YIPF1: variants seen among roughly 807,000 people sequenced by gnomAD.
The protein encoded by YIPF1 is protein YIPF1.
A neutral mutation model predicts 37.0 loss-of-function variants in YIPF1; 22 were observed. The observed-to-expected ratio is 0.59, with a 90% CI of 0.42 to 0.85. The LOEUF is 0.85. YIPF1 is among the 40% of genes least tolerant of loss of function. The pLI is 0.00. For missense variants in YIPF1, 355 were observed against 373.1 expected (o/e 0.95, Z 0.40); for synonymous variants, 128 against 131.9 (o/e 0.97, Z 0.21).
intron 9 of YIPF1, among the ~76,000 whole-genome samples, chr1:53,864,220 G>A (rs1649960645): frequency 6.6e-6 from 1 of 152,204 alleles, no homozygotes; most frequent in Non-Finnish European, 1.5e-5. Context: ...GGAGATGCCA[G>A]TGAGGGACGA....
Position 53,866,818 on chromosome 1 carries a change from A to G in YIPF1, c.588T>C (p.Tyr196=), listed in dbSNP as rs753525861. 6 of 1,614,100 alleles carry G rather than the reference A, an allele frequency of 3.7e-6. No individual in the cohort carries two copies. Among genetic ancestry groups the G allele is most frequent in the Admixed American group, 3.3e-5 (2 of 60,004 alleles). The change falls in exon 8 of 11, where the codon TAT becomes TAC. Residue 196 remains tyrosine (Y), a synonymous_variant. Coordinates refer to ENST00000072644, the MANE Select transcript of YIPF1 (RefSeq NM_018982.5). ...RNSKVMNIVS[Y]SFLEIVCVYG... ...AGACACACACAATCTCCAGAAATGA[A>G]TAGGAGACGATGTTCATAACTTTGC... is the stretch of plus-strand genomic sequence containing the variant.
At chr1:53,863,480 C>T (rs1223892686) in intron 9 of YIPF1, among the ~76,000 whole-genome samples, 1 of 152,214 alleles carries the variant, frequency 6.6e-6, no homozygotes, top group Non-Finnish European at 1.5e-5. Flanking sequence ...CTCATGGCAT[C>T]TCACAAAACC....
intron 7 of YIPF1, among the ~76,000 whole-genome samples, chr1:53,870,035 TA>T (rs1210039371): frequency 6.6e-6 from 1 of 151,980 alleles, no homozygotes; most frequent in African/African-American, 2.4e-5. Flanking sequence ...GATAATTTTT[TA>T]TTTTTAGTAG....
intron 10 of YIPF1, among the ~76,000 whole-genome samples, chr1:53,858,080 C>T (rs560975062): frequency 6.4e-4 from 98 of 152,102 alleles, no homozygotes; most frequent in Non-Finnish European, 1.3e-3. Flanking sequence ...AGGCACTGTC[C>T]TCTCTCGGTC....
intron 6 of YIPF1, 55 bp downstream of exon 6, chr1:53,878,260 T>C: frequency 2.5e-6 from 4 of 1,578,922 alleles, no homozygotes; most frequent in Non-Finnish European, 3.5e-6. Flanking sequence ...CAGGCAACCC[T>C]CACACTCACC....
At chr1:53,884,915 T>G (rs142077774) in intron 3 of YIPF1, among the ~76,000 whole-genome samples, 1 of 152,230 alleles carries the variant, frequency 6.6e-6, no homozygotes, top group Non-Finnish European at 1.5e-5. Flanking sequence ...TTCACTCTTA[T>G]TGCCTCTCAA....
rs200901415 is a variant in YIPF1, at chr1:53,866,783, G to T, written c.623C>A (p.Ser208Tyr). 30 of 1,613,954 alleles carry T rather than the reference G, an allele frequency of 1.9e-5. No individual in the cohort carries two copies. Among genetic ancestry groups the T allele is most frequent in the Middle Eastern group, 1.6e-4 (1 of 6,062 alleles). Residue 208 changes from serine (S) to tyrosine (Y), a missense_variant, in exon 8 of 11, where the codon TCC (serine) becomes TAC (tyrosine). Transcript: ENST00000072644. ...TGCGGTGGGGATATAAATGAAGAGG[G>T]AATATCCATAGACACACACAATCTC... The part of the protein sequence containing the change: ...FLEIVCVYGY[S>Y]LFIYIPTAIL...
chr1:53,872,954 A>C (rs904460980), intron 6 of YIPF1, among the ~76,000 whole-genome samples: 2 of 152,196 alleles, frequency 1.3e-5, no homozygotes, highest in African/African-American at 4.8e-5. Flanking sequence ...AAAACCCCAC[A>C]AAGCCCCTAT....
At chr1:53,873,059 A>T (rs962943520) in intron 6 of YIPF1, among the ~76,000 whole-genome samples, 1 of 152,206 alleles carries the variant, frequency 6.6e-6, no homozygotes, top group Non-Finnish European at 1.5e-5. Flanking sequence ...CAAAATATTA[A>T]CTTACAATAC....
intron 6 of YIPF1, among the ~76,000 whole-genome samples, chr1:53,873,338 G>A (rs1650243005): frequency 6.6e-6 from 1 of 152,192 alleles, no homozygotes; most frequent in East Asian, 1.9e-4. Context: ...CACCAAGTGA[G>A]GACAGAAGAG....
intron 7 of YIPF1, among the ~76,000 whole-genome samples, chr1:53,869,942 G>A (rs1368397407): frequency 7.0e-6 from 1 of 143,682 alleles, no homozygotes; most frequent in African/African-American, 2.5e-5. Context: ...GCGTGATCTC[G>A]GCTCACTGCA....
chr1:53,888,932 T>A lies in YIPF1; in HGVS notation c.6A>T (p.Ala2=). 1 of 1,597,186 alleles carries A rather than the reference T, an allele frequency of 6.3e-7. No homozygotes were observed. The highest frequency in any genetic ancestry group is 8.6e-7 in the Non-Finnish European group (1 of 1,166,108). The part of the protein sequence containing the change: M[A]AVDDLQFEEF... ...CTTCAAATTGCAAGTCATCTACTGC[T>A]GCCATTCGGCCAGTGAGTCTTCTCC... The change falls in exon 3 of 11, where the codon GCA becomes GCT. Residue 2 remains alanine (A), a synonymous_variant. Transcript: ENST00000072644.
At chr1:53,885,961 G>A (rs1295320879) in intron 3 of YIPF1, among the ~76,000 whole-genome samples, 2 of 151,680 alleles carry the variant, frequency 1.3e-5, no homozygotes, top group Admixed American at 6.6e-5. Context: ...ATATATGAGT[G>A]TACCCTGTAA....
chr1:53,860,887 C>T (rs1346278383), intron 9 of YIPF1, among the ~76,000 whole-genome samples: 1 of 152,110 alleles, frequency 6.6e-6, no homozygotes, highest in African/African-American at 2.4e-5. Context: ...AAACTTGAGC[C>T]CAGGAAAATA....
chr1:53,875,409 T>G (rs557748890), intron 6 of YIPF1, among the ~76,000 whole-genome samples: 2 of 152,038 alleles, frequency 1.3e-5, no homozygotes, highest in Admixed American at 6.6e-5. Flanking sequence ...CAGATACTCA[T>G]GAAGATGAGG....
At chr1:53,861,639 G>GGGAA (rs982973579) in intron 9 of YIPF1, among the ~76,000 whole-genome samples, 46 of 146,008 alleles carry the variant, frequency 3.2e-4, no homozygotes, top group Middle Eastern at 3.4e-3. Context: ...AAGGCAGGCA[G>GGGAA]GGAAGGAAGG....
chr1:53,875,930 T>A (rs1046275501), intron 6 of YIPF1, among the ~76,000 whole-genome samples: 1 of 152,242 alleles, frequency 6.6e-6, no homozygotes, highest in African/African-American at 2.4e-5. Flanking sequence ...TAGAAAACTA[T>A]ATATTTTACT....
intron 9 of YIPF1, among the ~76,000 whole-genome samples, chr1:53,862,127 T>G (rs1024688243): frequency 6.6e-6 from 1 of 152,224 alleles, no homozygotes; most frequent in African/African-American, 2.4e-5. Context: ...ATGCCTACTG[T>G]GCACCAGACA....
chr1:53,869,872 C>CTT (rs11304446), intron 7 of YIPF1, among the ~76,000 whole-genome samples: 66 of 125,862 alleles, frequency 5.2e-4, no homozygotes, highest in African/African-American at 1.6e-3. Context: ...TTTCTCCCCG[C>CTT]TTTTTTTTTT....
Sources: allele counts gnomAD v4.1 joint callset (sites outside exome capture counted in the v4.1 genomes callset), GRCh38; gene constraint gnomAD v4.1.1; transcripts MANE v1.5; gene names NCBI Gene and HGNC (gene_info 2026-07-23, HGNC 2026-07-21).